Variants in SYT9 observed in about 807,000 individuals in gnomAD.
SYT9 encodes the protein synaptotagmin 9, also known as synaptotagmin-9.
SYT9 carries 22 observed loss-of-function variants against 48.4 expected under a neutral mutation model. That is an observed-to-expected ratio of 0.45 (90% CI 0.32 to 0.65). The LOEUF is 0.65. SYT9 is among the 30% of genes least tolerant of loss of function. The pLI is 0.03. For synonymous variants in SYT9, 265 were observed against 245.0 expected, an observed-to-expected ratio of 1.08 and a Z score of -0.76; for missense variants, 577 against 622.0, an observed-to-expected ratio of 0.93 and a Z score of 0.77.
At chr11:7,332,476 G>C (rs1013252344) in intron 3 of SYT9, among the ~76,000 whole-genome samples, 2 of 152,226 alleles carry the variant, frequency 1.3e-5, no homozygotes, top group Non-Finnish European at 2.9e-5. Flanking sequence ...GTCTATTGCA[G>C]TGTGACAGGA....
chr11:7,308,323 G>A (rs1374511082), intron 2 of SYT9, among the ~76,000 whole-genome samples: 1 of 152,206 alleles, frequency 6.6e-6, no homozygotes, highest in Non-Finnish European at 1.5e-5. Context: ...GGACAGGTCA[G>A]GTTTCACCTC....
chr11:7,404,759 G>A (rs552220610), intron 3 of SYT9, among the ~76,000 whole-genome samples: 25 of 152,144 alleles, frequency 1.6e-4, no homozygotes, highest in South Asian at 4.1e-4. Context: ...CTGAATTCCC[G>A]CAGAAATTTC....
rs1590046566 is a variant in SYT9 at position 7,461,822 on chromosome 11, T to C, written c.1468-4970T>C. 4.6e-5 allele frequency among the ~76,000 whole-genome samples: 7 copies of C among 152,382 alleles called. 1 individual carries two copies. Among genetic ancestry groups the C allele is most frequent in the Admixed American group, 4.6e-4 (7 of 15,306 alleles). On this transcript the variant is annotated intron_variant, in intron 6 of 6. Transcript: ENST00000318881. ...ATCAGGTAGAGTAATTTTGGCCCTA[T>C]AGTAATTTCCTATCTTGCCACCTCA...
chr11:7,274,299 T>C (rs1848346905), intron 1 of SYT9, among the ~76,000 whole-genome samples: 2 of 151,264 alleles, frequency 1.3e-5, no homozygotes, highest in Admixed American at 6.6e-5. Flanking sequence ...TCTTTCCTTA[T>C]ATCTGTGTGA....
chr11:7,390,719 A>G (rs1429578812), intron 3 of SYT9, among the ~76,000 whole-genome samples: 1 of 152,252 alleles, frequency 6.6e-6, no homozygotes, highest in Non-Finnish European at 1.5e-5. Flanking sequence ...AATGGAATTT[A>G]AAAGTGGTTG....
chr11:7,264,312 A>T (rs145975233), intron 1 of SYT9, among the ~76,000 whole-genome samples: 2 of 152,256 alleles, frequency 1.3e-5, no homozygotes, highest in African/African-American at 4.8e-5. Context: ...GAAGTTGGCG[A>T]TCATGAATTT....
At chr11:7,451,719 C>A (rs776351808) in intron 6 of SYT9, among the ~76,000 whole-genome samples, 1 of 152,174 alleles carries the variant, frequency 6.6e-6, no homozygotes, top group Non-Finnish European at 1.5e-5. Context: ...GGACTTGAAG[C>A]TGTGAGGATG....
chr11:7,284,186 G>A (rs7938849), intron 1 of SYT9, among the ~76,000 whole-genome samples: 11,553 of 152,126 alleles, frequency 0.076, 594 homozygotes, highest in African/African-American at 0.14. Context: ...ATATTGTTAA[G>A]TATATCCAGC....
chr11:7,340,924 TG>T (rs988167250), intron 3 of SYT9, among the ~76,000 whole-genome samples: 35 of 152,304 alleles, frequency 2.3e-4, no homozygotes, highest in African/African-American at 8.4e-4. Context: ...TGCTGCAGTG[TG>T]CTGGGGGTCT....
intron 6 of SYT9, among the ~76,000 whole-genome samples, chr11:7,443,574 A>G (rs1215498556): frequency 1.3e-5 from 2 of 152,222 alleles, no homozygotes; most frequent in African/African-American, 4.8e-5. Flanking sequence ...AGCTCAGCTG[A>G]AATCAGCAGC....
chr11:7,458,759 AAG>A (rs960029878), intron 6 of SYT9, among the ~76,000 whole-genome samples: 1 of 152,154 alleles, frequency 6.6e-6, no homozygotes, highest in African/African-American at 2.4e-5. Flanking sequence ...GGAGAGAAAA[AAG>A]AGAGAGAAGT....
intron 1 of SYT9, among the ~76,000 whole-genome samples, chr11:7,282,856 A>G (rs1187366792): frequency 6.6e-6 from 1 of 151,864 alleles, no homozygotes; most frequent in Non-Finnish European, 1.5e-5. Flanking sequence ...TAACTTCTCT[A>G]CATTTTATAA....
chr11:7,419,510 A>G (rs1463233157), intron 5 of SYT9, among the ~76,000 whole-genome samples: 1 of 152,192 alleles, frequency 6.6e-6, no homozygotes, highest in African/African-American at 2.4e-5. Flanking sequence ...AGAATTGGCC[A>G]TATCAGTCCA....
chr11:7,380,390 A>G (rs371455920), intron 3 of SYT9, among the ~76,000 whole-genome samples: 3 of 152,300 alleles, frequency 2.0e-5, no homozygotes, highest in African/African-American at 7.2e-5. Flanking sequence ...GACTATAGTC[A>G]ATAACTTAAT....
chr11:7,375,144 C>A (rs1850429738), intron 3 of SYT9, among the ~76,000 whole-genome samples: 1 of 152,136 alleles, frequency 6.6e-6, no homozygotes, highest in Non-Finnish European at 1.5e-5. Flanking sequence ...TATGGCTAGC[C>A]AGTTTTGCCA....
intron 3 of SYT9, among the ~76,000 whole-genome samples, chr11:7,360,162 A>G (rs1850104129): frequency 6.6e-6 from 1 of 152,124 alleles, no homozygotes; most frequent in South Asian, 2.1e-4. Flanking sequence ...AGATAGTTGT[A>G]GGTATGTGGC....
chr11:7,307,969 G>A (rs755731100), intron 2 of SYT9, among the ~76,000 whole-genome samples: 4 of 152,180 alleles, frequency 2.6e-5, no homozygotes, highest in Non-Finnish European at 5.9e-5. Context: ...TGCCTGTCTC[G>A]TCATTATCTC....
intron 1 of SYT9, among the ~76,000 whole-genome samples, chr11:7,260,422 C>T (rs1432460634): frequency 1.3e-5 from 2 of 152,136 alleles, no homozygotes; most frequent in Non-Finnish European, 2.9e-5. Context: ...TCCTGGGTAA[C>T]AGTAAGTTGA....
intron 6 of SYT9, among the ~76,000 whole-genome samples, chr11:7,423,220 C>T (rs73401444): frequency 8.3e-4 from 126 of 152,286 alleles, no homozygotes; most frequent in African/African-American, 2.7e-3. Context: ...TTGAAGTACA[C>T]GTCTGGGACT....
Sources: allele counts gnomAD v4.1 joint callset (sites outside exome capture counted in the v4.1 genomes callset), GRCh38; gene constraint gnomAD v4.1.1; transcripts MANE v1.5; gene names NCBI Gene and HGNC (gene_info 2026-07-23, HGNC 2026-07-21).